GABRG2: variants seen among roughly 807,000 people sequenced by gnomAD.
GABRG2 encodes gamma-aminobutyric acid receptor subunit gamma-2.
Under a neutral mutation model 56.4 loss-of-function variants are expected in GABRG2, and 16 were observed. The ratio of observed to expected loss-of-function variants is 0.28; its 90% confidence interval spans 0.19 to 0.43. The LOEUF is 0.43. Among genes scored for constraint, GABRG2 ranks in the 20% least tolerant of loss-of-function variants. The probability of loss-of-function intolerance (pLI) is 1.00; values close to 1 mark genes in which losing one functional copy is unlikely to be tolerated. For synonymous variants in GABRG2, 208 were observed against 205.5 expected (o/e 1.01, Z -0.10); for missense variants, 327 against 582.7 (o/e 0.56, Z 4.52).
intron 6 of GABRG2, among the ~76,000 whole-genome samples, chr5:162,106,944 T>C (rs1207697255): frequency 6.6e-6 from 1 of 152,132 alleles, no homozygotes; most frequent in Non-Finnish European, 1.5e-5. Context: ...TGGATTATTT[T>C]GTCACCCAGG....
rs575207257 is a variant in GABRG2, at chr5:162,086,577, G to A, written c.108-7251G>A. ...AAATATTGCCAATGTCCCAGAAAAC[G>A]TCTTCTTTCTTTCCTAGTTTCTGTC... On this transcript the variant is annotated intron_variant, in intron 1 of 9. Transcript: ENST00000639213. 3.3e-5 allele frequency among the ~76,000 whole-genome samples: 5 copies of A among 151,944 alleles called. No individual in the cohort carries two copies. In the East Asian group the frequency reaches 5.8e-4, roughly 18 times the overall value.
At chr5:162,091,824 G>T (rs558655383) in intron 1 of GABRG2, among the ~76,000 whole-genome samples, 1 of 152,040 alleles carries the variant, frequency 6.6e-6, no homozygotes, top group Admixed American at 6.6e-5. Context: ...GCATAAGGAG[G>T]TGCCATAAAC....
chr5:162,123,281 T>G (rs1763097947), intron 6 of GABRG2, among the ~76,000 whole-genome samples: 2 of 151,712 alleles, frequency 1.3e-5, no homozygotes, highest in Non-Finnish European at 3.0e-5. Flanking sequence ...ACATTAAAAG[T>G]CAAAGATGCA....
At position 162,068,008 on chromosome 5, in the gene GABRG2, G is replaced by A. The variant is rs55716248; in HGVS notation, c.9G>A (p.Ser3=). 5.6e-6 allele frequency: 9 copies of A among 1,608,326 alleles called. No homozygotes were observed. In the African/African-American group the frequency reaches 6.7e-5, roughly 12 times the overall value. The part of the protein sequence containing the change: MS[S]PNIWSTGSSV... ...GGAAAAAAAAAAAAGCGATGAGTTC[G>A]CCAAATATATGGAGCACAGGAAGCT... is the stretch of plus-strand genomic sequence containing the variant. The change falls in exon 1 of 10, where the codon TCG becomes TCA. Residue 3 remains serine (S), a synonymous_variant. Coordinates refer to ENST00000639213, the MANE Select transcript of GABRG2 (RefSeq NM_198904.4).
intron 6 of GABRG2, among the ~76,000 whole-genome samples, chr5:162,139,015 A>AC (rs1047155734): frequency 6.6e-6 from 1 of 152,126 alleles, no homozygotes; most frequent in Non-Finnish European, 1.5e-5. Context: ...ACAACTTAAA[A>AC]AAAAAAACCT....
intron 6 of GABRG2, among the ~76,000 whole-genome samples, chr5:162,127,723 G>A (rs571530920): frequency 1.1e-4 from 17 of 152,054 alleles, no homozygotes; most frequent in Middle Eastern, 3.4e-3. Context: ...CCCAAGAAAG[G>A]TAATCATTAG....
chr5:162,112,044 C>T (rs1196854815), intron 6 of GABRG2, among the ~76,000 whole-genome samples: 1 of 151,984 alleles, frequency 6.6e-6, no homozygotes, highest in African/African-American at 2.4e-5. Context: ...GTTAAGTGGT[C>T]ATTACTACTC....
At position 162,116,231 on chromosome 5, in the gene GABRG2, T is replaced by G. The variant is rs948092422; in HGVS notation, c.769+12205T>G. Among the ~76,000 whole-genome samples, 23 of 148,298 alleles carry G rather than the reference T, an allele frequency of 1.6e-4. 1 individual carries two copies. Among genetic ancestry groups the G allele is most frequent in the Admixed American group, 1.3e-3 (19 of 14,802 alleles). On this transcript the variant is annotated intron_variant, in intron 6 of 9. Transcript: ENST00000639213. ...GTTATTGTTTTGGCATCTATCCATC[T>G]ACCAATCTATCTATCTATCTAATCT... is the stretch of plus-strand genomic sequence containing the variant.
intron 7 of GABRG2, among the ~76,000 whole-genome samples, chr5:162,148,317 T>C (rs1256233233): frequency 6.6e-6 from 1 of 152,216 alleles, no homozygotes. Context: ...ATACCTGCTG[T>C]GAAGATTCAA....
chr5:162,149,017 G>C (rs953183818), intron 7 of GABRG2, 91 bp from the exon 8 acceptor site: 11 of 1,155,348 alleles, frequency 9.5e-6, no homozygotes, highest in Admixed American at 8.6e-5. Context: ...CTGCCCATCA[G>C]AAGTCATGAA....
chr5:162,071,330 A>C (rs1758657217), intron 1 of GABRG2, among the ~76,000 whole-genome samples: 1 of 151,506 alleles, frequency 6.6e-6, no homozygotes, highest in African/African-American at 2.4e-5. Flanking sequence ...GTAAATAAGA[A>C]TAACTGAAAC....
chr5:162,075,265 A>G (rs1759002104), intron 1 of GABRG2, among the ~76,000 whole-genome samples: 2 of 152,156 alleles, frequency 1.3e-5, no homozygotes, highest in South Asian at 4.1e-4. Flanking sequence ...AATTTTGTAT[A>G]ACATTGTGTT....
intron 7 of GABRG2, among the ~76,000 whole-genome samples, 154 bp from the exon 8 acceptor site, chr5:162,148,954 T>C (rs1278109298): frequency 1.3e-5 from 2 of 152,206 alleles, no homozygotes; most frequent in Non-Finnish European, 2.9e-5. Flanking sequence ...GCAATAAATA[T>C]TTGTAAATAG....
chr5:162,071,165 T>C (rs1416110051), intron 1 of GABRG2, among the ~76,000 whole-genome samples: 1 of 151,496 alleles, frequency 6.6e-6, no homozygotes, highest in Admixed American at 6.6e-5. Context: ...GTGATTATAT[T>C]GAAAAACTAT....
At chr5:162,138,750 C>T (rs1365147278) in intron 6 of GABRG2, among the ~76,000 whole-genome samples, 3 of 152,034 alleles carry the variant, frequency 2.0e-5, no homozygotes, top group Admixed American at 1.3e-4. Context: ...ATTTTTTCAC[C>T]ATCCTGATAA....
intron 6 of GABRG2, among the ~76,000 whole-genome samples, chr5:162,122,499 C>T (rs955426786): frequency 8.6e-5 from 13 of 151,596 alleles, no homozygotes; most frequent in South Asian, 4.1e-4. Context: ...CTATATAAAC[C>T]GTTCGTTACA....
At chr5:162,129,050 T>C (rs1485704608) in intron 6 of GABRG2, among the ~76,000 whole-genome samples, 1 of 152,064 alleles carries the variant, frequency 6.6e-6, no homozygotes, top group Non-Finnish European at 1.5e-5. Context: ...TTTAAAGTGA[T>C]AGTATTTTAG....
chr5:162,132,207 C>A (rs1273942918), intron 6 of GABRG2, among the ~76,000 whole-genome samples: 1 of 148,316 alleles, frequency 6.7e-6, no homozygotes, highest in Non-Finnish European at 1.5e-5. Flanking sequence ...CAATTTGGGA[C>A]ACGAACTTGG....
At chr5:162,079,844 G>C (rs1403462538) in intron 1 of GABRG2, among the ~76,000 whole-genome samples, 1 of 151,978 alleles carries the variant, frequency 6.6e-6, no homozygotes, top group African/African-American at 2.4e-5. Context: ...GTGCAGTGGT[G>C]CGATAGCTCA....
Sources: allele counts gnomAD v4.1 joint callset (sites outside exome capture counted in the v4.1 genomes callset), GRCh38; gene constraint gnomAD v4.1.1; transcripts MANE v1.5; gene names NCBI Gene and HGNC (gene_info 2026-07-23, HGNC 2026-07-21).